The following TMEM132B variants were observed in gnomAD, a reference collection of about 807,000 sequenced individuals.
The protein encoded by TMEM132B is transmembrane protein 132B.
In TMEM132B, 18 loss-of-function variants were observed where a neutral mutation model predicts 90.8. That is an observed-to-expected ratio of 0.20 (90% CI 0.14 to 0.29). The LOEUF is 0.29. TMEM132B is among the 10% of genes least tolerant of loss of function. The pLI, the probability that TMEM132B is intolerant of heterozygous loss-of-function variation, is 1.00. For synonymous variants in TMEM132B, 504 were observed against 523.3 expected (o/e 0.96, Z 0.50); for missense variants, 1,096 against 1,326.8 (o/e 0.83, Z 2.70).
chr12:125,379,162 A>G (rs1179872489), intron 2 of TMEM132B, among the ~76,000 whole-genome samples: 7 of 152,218 alleles, frequency 4.6e-5, no homozygotes, highest in Admixed American at 3.3e-4. Flanking sequence ...AAGATGTCCA[A>G]GTCTTAATCA....
chr12:125,321,947 T>C (rs1014235901), intron 1 of TMEM132B, among the ~76,000 whole-genome samples: 6 of 152,200 alleles, frequency 3.9e-5, no homozygotes, highest in Admixed American at 2.0e-4. Context: ...ATGAACACCC[T>C]TTAGGACACC....
chr12:125,499,603 T>TG (rs1882644831), intron 3 of TMEM132B, among the ~76,000 whole-genome samples: 1 of 152,138 alleles, frequency 6.6e-6, no homozygotes, highest in Non-Finnish European at 1.5e-5. Flanking sequence ...AGTGGACGCA[T>TG]GGGGGGTGCC....
chr12:125,550,402 G>A (rs1592987859), intron 4 of TMEM132B, among the ~76,000 whole-genome samples: 1 of 152,132 alleles, frequency 6.6e-6, no homozygotes, highest in African/African-American at 2.4e-5. Context: ...TTATTAGTTA[G>A]TAATTTTTAT....
chr12:125,270,112 T>TTTG (rs372403246), intron 1 of TMEM132B, among the ~76,000 whole-genome samples: 4 of 143,144 alleles, frequency 2.8e-5, no homozygotes, highest in Non-Finnish European at 6.0e-5. Flanking sequence ...CACATCTTTG[T>TTTG]TGTGTGTGTG....
In TMEM132B at chr12:125,346,008, A is replaced by G. The variant is rs1398002575; in HGVS notation, c.68-3444A>G. ...TCATAAAATGCTCCTAAATTCAGATATTATATTTTGTTGCAATCTGGTTTG... is the reference window on the plus strand; with the variant it reads ...TCATAAAATGCTCCTAAATTCAGATGTTATATTTTGTTGCAATCTGGTTTG... On this transcript the variant is annotated intron_variant, in intron 1 of 8. Transcript: ENST00000682704. 2.6e-5 allele frequency among the ~76,000 whole-genome samples: 4 copies of G among 152,194 alleles called. No homozygotes were observed. The East Asian group carries it at 7.7e-4, about 29-fold the overall frequency.
Position 125,490,618 on chromosome 12 carries a change from A to G in TMEM132B, c.1107-28821A>G, listed in dbSNP as rs1329334416. ...AGCTCGACTACAGACACCTGCCACC[A>G]CGCCTGGCTAATTTTTTGTGTGTGT... is the stretch of plus-strand genomic sequence containing the variant. On this transcript the variant is annotated intron_variant, in intron 3 of 8. Coordinates refer to ENST00000682704, the MANE Select transcript of TMEM132B (RefSeq NM_001366854.1). This position sits in a 1 kb window ranked among gnomAD's most constrained non-coding sequence, Gnocchi z 4.2. Among the ~76,000 whole-genome samples the G allele has an allele frequency of 6.6e-6, 1 of 151,684 alleles. No individual in the cohort carries two copies. The highest frequency in any genetic ancestry group is 2.4e-5 in the African/African-American group (1 of 41,236).
chr12:125,500,420 C>G (rs866486216), intron 3 of TMEM132B, among the ~76,000 whole-genome samples: 1 of 152,164 alleles, frequency 6.6e-6, no homozygotes, highest in African/African-American at 2.4e-5. Flanking sequence ...GGGGTGACAA[C>G]TGAAAATGTT....
chr12:125,437,214 C>T (rs1017469261), intron 3 of TMEM132B, among the ~76,000 whole-genome samples: 8 of 152,302 alleles, frequency 5.3e-5, no homozygotes, highest in African/African-American at 9.6e-5. Context: ...GGTTTGGATC[C>T]GCTTTCCCTG....
chr12:125,390,814 C>CAAGA (rs72522586), intron 2 of TMEM132B, among the ~76,000 whole-genome samples: 68 of 151,624 alleles, frequency 4.5e-4, no homozygotes, highest in Non-Finnish European at 9.0e-4. Flanking sequence ...ACTGAAACCT[C>CAAGA]GAGAGAGAGA....
intron 1 of TMEM132B, among the ~76,000 whole-genome samples, chr12:125,240,988 G>A (rs761761992): frequency 2.0e-5 from 3 of 152,206 alleles, no homozygotes; most frequent in Non-Finnish European, 4.4e-5. Flanking sequence ...TGAGTGAACG[G>A]TGGTGGGCGG....
chr12:125,202,598 A>C (rs1255887948), intron 1 of TMEM132B, among the ~76,000 whole-genome samples: 1 of 152,226 alleles, frequency 6.6e-6, no homozygotes, highest in Non-Finnish European at 1.5e-5. Flanking sequence ...GGCCCTCTCC[A>C]TATGGCAGGT....
intron 1 of TMEM132B, among the ~76,000 whole-genome samples, chr12:125,244,946 C>T (rs1353221061): frequency 1.3e-5 from 2 of 152,154 alleles, no homozygotes; most frequent in Non-Finnish European, 1.5e-5. Context: ...CGGCTTCCCC[C>T]TCAGTTTCCC....
chr12:125,411,129 T>TG (rs1879814532), intron 2 of TMEM132B, among the ~76,000 whole-genome samples: 3 of 10,552 alleles, frequency 2.8e-4, no homozygotes, highest in South Asian at 3.1e-3. Flanking sequence ...TGGAGTGGAG[T>TG]GAGTGGAGTG....
intron 1 of TMEM132B, among the ~76,000 whole-genome samples, chr12:125,347,977 AAAAC>A (rs1195582367): frequency 6.6e-6 from 1 of 152,386 alleles, no homozygotes; most frequent in Non-Finnish European, 1.5e-5. Context: ...TAAATGGTGA[AAAAC>A]AAAAACTTTC....
At chr12:125,594,071 A>T (rs886120191) in intron 5 of TMEM132B, among the ~76,000 whole-genome samples, 88 of 152,144 alleles carry the variant, frequency 5.8e-4, no homozygotes, top group African/African-American at 2.0e-3. Context: ...GCCCCTCTCC[A>T]CTTGTTCCCA....
intron 4 of TMEM132B, among the ~76,000 whole-genome samples, chr12:125,549,455 A>G (rs1884166825): frequency 6.6e-6 from 1 of 152,188 alleles, no homozygotes; most frequent in East Asian, 1.9e-4. Flanking sequence ...TTGAAGAAAG[A>G]AGGTAGAAAA....
chr12:125,323,621 C>T (rs1302081405), intron 1 of TMEM132B, among the ~76,000 whole-genome samples: 12 of 152,166 alleles, frequency 7.9e-5, no homozygotes, highest in African/African-American at 1.4e-4. Flanking sequence ...GGGGTTCAAG[C>T]GATTCTCCTG....
chr12:125,535,143 A>G (rs1249198168), intron 4 of TMEM132B, among the ~76,000 whole-genome samples: 2 of 152,220 alleles, frequency 1.3e-5, no homozygotes, highest in African/African-American at 4.8e-5. Flanking sequence ...GTAGAATCCA[A>G]TGCTTCTACT....
chr12:125,421,865 CT>C (rs1880177729), intron 3 of TMEM132B, among the ~76,000 whole-genome samples: 1 of 152,160 alleles, frequency 6.6e-6, no homozygotes, highest in Non-Finnish European at 1.5e-5. Context: ...TTTCATTGTG[CT>C]GAAGGATTCT....
Sources: gnomAD v4.1 joint callset for allele counts (sites outside exome capture counted in the v4.1 genomes callset) on GRCh38, gnomAD v4.1.1 for gene constraint, Gnocchi (gnomAD v3.1) non-coding constraint, MANE v1.5 for transcripts, NCBI Gene and HGNC (gene_info 2026-07-23, HGNC 2026-07-21) for gene names.